Variants in ULK4 observed in about 807,000 individuals in gnomAD.
The protein encoded by ULK4 is inactive serine/threonine-protein kinase ULK4.
ULK4 carries 133 observed loss-of-function variants against 160.6 expected under a neutral mutation model. The observed-to-expected ratio is 0.83, with a 90% CI of 0.72 to 0.96. The LOEUF (loss-of-function observed/expected upper bound fraction) is 0.96, where lower values mean the gene tolerates loss of function less well. Among genes scored for constraint, ULK4 ranks in the 40% least tolerant of loss-of-function variants. ULK4 has a pLI of 0.00. For missense variants in ULK4, 1,580 were observed against 1,499.5 expected (o/e 1.05, Z -0.89); for synonymous variants, 534 against 539.8 (o/e 0.99, Z 0.15).
intron 17 of ULK4, among the ~76,000 whole-genome samples, chr3:41,851,151 T>A (rs58212289): frequency 0.12 from 18,772 of 152,122 alleles, 1,322 homozygotes; most frequent in Middle Eastern, 0.27. Context: ...CCCTGTCTTG[T>A]GCCAGTTTTC....
In ULK4 at chr3:41,833,791, A is replaced by G. The variant is rs554625424; in HGVS notation, c.1764+2073T>C. Among the ~76,000 whole-genome samples the G allele has an allele frequency of 7.2e-5, 11 of 152,198 alleles. No individual in the cohort carries two copies. In the East Asian group the frequency reaches 2.1e-3, roughly 29 times the overall value. ...AAGGGGGGTTTCTAAATCTAGAATC[A>G]TGTCATCTGCAAACAGAGACAATTT... is the stretch of plus-strand genomic sequence containing the variant. On this transcript the variant is annotated intron_variant, in intron 18 of 36. Transcript: ENST00000301831.
chr3:41,907,568 G>C (rs1483188162), intron 12 of ULK4, among the ~76,000 whole-genome samples: 1 of 152,070 alleles, frequency 6.6e-6, no homozygotes, highest in Non-Finnish European at 1.5e-5. Context: ...CAAAGTGCAA[G>C]AATTACAATT....
chr3:41,710,953 G>A (rs982315278), intron 25 of ULK4, among the ~76,000 whole-genome samples: 3 of 152,126 alleles, frequency 2.0e-5, no homozygotes, highest in Non-Finnish European at 4.4e-5. Flanking sequence ...GGGAGTTGGG[G>A]AGGAGAGGAA....
intron 35 of ULK4, among the ~76,000 whole-genome samples, chr3:41,279,626 C>T (rs371892017): frequency 8.1e-4 from 123 of 152,276 alleles, no homozygotes; most frequent in African/African-American, 2.9e-3. Context: ...AGAAACCCTA[C>T]AAGCCAGAAG....
chr3:41,887,042 C>T (rs1697746904), intron 16 of ULK4, among the ~76,000 whole-genome samples: 1 of 152,162 alleles, frequency 6.6e-6, no homozygotes, highest in Admixed American at 6.5e-5. Flanking sequence ...GTCAAAGTAA[C>T]AGATGAATCT....
At chr3:41,706,348 A>T (rs1021806416) in intron 25 of ULK4, among the ~76,000 whole-genome samples, 1 of 144,382 alleles carries the variant, frequency 6.9e-6, no homozygotes. Context: ...TAAACAAAAT[A>T]ATATATATAT....
intron 35 of ULK4, among the ~76,000 whole-genome samples, chr3:41,333,591 T>C (rs2080491972): frequency 6.6e-6 from 1 of 152,174 alleles, no homozygotes; most frequent in African/African-American, 2.4e-5. Flanking sequence ...TAAGCAAGGG[T>C]AGTGCCACCT....
chr3:41,266,494 C>T (rs565078147), intron 35 of ULK4, among the ~76,000 whole-genome samples: 18 of 152,060 alleles, frequency 1.2e-4, no homozygotes, highest in Non-Finnish European at 2.1e-4. Flanking sequence ...AGACTCCCTC[C>T]CAGTCCAGGT....
intron 35 of ULK4, among the ~76,000 whole-genome samples, chr3:41,355,059 CA>C (rs1055053207): frequency 2.0e-5 from 3 of 152,116 alleles, no homozygotes; most frequent in African/African-American, 7.2e-5. Context: ...TCTTGTTTGC[CA>C]GGAAAATAAC....
At chr3:41,250,472 TGA>T (rs2078725603) in intron 35 of ULK4, among the ~76,000 whole-genome samples, 2 of 152,362 alleles carry the variant, frequency 1.3e-5, no homozygotes, top group South Asian at 4.1e-4. Context: ...GTTTTATTTA[TGA>T]GGTAACCAAA....
chr3:41,889,675 C>A (rs1237015013), intron 16 of ULK4, among the ~76,000 whole-genome samples: 1 of 152,158 alleles, frequency 6.6e-6, no homozygotes, highest in Non-Finnish European at 1.5e-5. Flanking sequence ...TTATGTACCC[C>A]TGAACCTAAA....
At chr3:41,547,204 C>T (rs1181663238) in intron 32 of ULK4, among the ~76,000 whole-genome samples, 2 of 152,294 alleles carry the variant, frequency 1.3e-5, no homozygotes, top group Non-Finnish European at 2.9e-5. Flanking sequence ...GTACTCCCAA[C>T]ATTTGCTGAC....
intron 35 of ULK4, among the ~76,000 whole-genome samples, chr3:41,255,613 G>A (rs182634104): frequency 1.1e-3 from 152 of 141,346 alleles, no homozygotes; most frequent in African/African-American, 3.4e-3. Flanking sequence ...GGCTATAATC[G>A]TAACTAGAGG....
At chr3:41,808,006 C>T (rs2040701740) in intron 19 of ULK4, among the ~76,000 whole-genome samples, 1 of 152,152 alleles carries the variant, frequency 6.6e-6, no homozygotes, top group African/African-American at 2.4e-5. Flanking sequence ...ACAGAGTTGT[C>T]GTCGCGTATC....
intron 35 of ULK4, among the ~76,000 whole-genome samples, chr3:41,334,258 C>T (rs765151360): frequency 1.3e-5 from 2 of 152,024 alleles, no homozygotes; most frequent in East Asian, 1.9e-4. Flanking sequence ...ATTATCTCTG[C>T]GAATTGGGTT....
chr3:41,658,813 A>G (rs1293281453), intron 30 of ULK4, among the ~76,000 whole-genome samples: 1 of 151,956 alleles, frequency 6.6e-6, no homozygotes, highest in African/African-American at 2.4e-5. Context: ...TTCTCTGTAT[A>G]CCCTTCAAAT....
chr3:41,348,808 T>C (rs957489142), intron 35 of ULK4, among the ~76,000 whole-genome samples: 3 of 152,190 alleles, frequency 2.0e-5, no homozygotes, highest in Non-Finnish European at 4.4e-5. Flanking sequence ...AAATCTGATT[T>C]AGTAAAAAAT....
In ULK4 at chr3:41,574,053, A is replaced by G. The variant is rs144595398; in HGVS notation, c.3121-7923T>C. ...CAAAATTAGCCAGGAGCGGTGGCGC[A>G]TGCCTATAATCCCAGCTACTTGGGA... is the stretch of plus-strand genomic sequence containing the variant. On this transcript the variant is annotated intron_variant, in intron 31 of 36. Transcript: ENST00000301831. 2.9e-3 allele frequency among the ~76,000 whole-genome samples: 420 copies of G among 146,500 alleles called. 4 individuals carry two copies. The highest frequency in any genetic ancestry group is 0.01 in the African/African-American group (400 of 39,478).
intron 35 of ULK4, among the ~76,000 whole-genome samples, chr3:41,286,855 C>G (rs2079469297): frequency 6.6e-6 from 1 of 152,208 alleles, no homozygotes; most frequent in East Asian, 1.9e-4. Flanking sequence ...CTGGGAGAGA[C>G]AGTTGTCCAG....
Sources: gnomAD v4.1 joint callset for allele counts (sites outside exome capture counted in the v4.1 genomes callset) on GRCh38, gnomAD v4.1.1 for gene constraint, MANE v1.5 for transcripts, NCBI Gene and HGNC (gene_info 2026-07-23, HGNC 2026-07-21) for gene names.